The following CSGALNACT1 variants were observed in gnomAD, a reference collection of about 807,000 sequenced individuals.
CSGALNACT1 encodes beta4GalNAcT-1.
In CSGALNACT1, 52 loss-of-function variants were observed where a neutral mutation model predicts 51.0. That is an observed-to-expected ratio of 1.02 (90% CI 0.82 to 1.29). The LOEUF (loss-of-function observed/expected upper bound fraction) is 1.29, where lower values mean the gene tolerates loss of function less well. Ranked by LOEUF, CSGALNACT1 falls within the 50% of genes most tolerant of loss-of-function variation. The pLI is 0.00. For missense variants in CSGALNACT1, 935 were observed against 679.2 expected, an observed-to-expected ratio of 1.38 and a Z score of -4.19; for synonymous variants, 341 against 254.4, an observed-to-expected ratio of 1.34 and a Z score of -3.24.
At chr8:19,607,289 T>A (rs1049956104), upstream of CSGALNACT1, among the ~76,000 whole-genome samples, 1 of 152,170 alleles carries the variant, frequency 6.6e-6, no homozygotes, top group Non-Finnish European at 1.5e-5. Flanking sequence ...ACAAGCTAAC[T>A]GGAGATATAA....
intron 3 of CSGALNACT1, among the ~76,000 whole-genome samples, chr8:19,552,032 A>G (rs2088248827): frequency 6.6e-6 from 1 of 152,200 alleles, no homozygotes; most frequent in South Asian, 2.1e-4. Context: ...GAATTACATC[A>G]ATTTTTTAGT....
At chr8:19,444,291 T>A (rs974727939) in intron 5 of CSGALNACT1, among the ~76,000 whole-genome samples, 1 of 152,212 alleles carries the variant, frequency 6.6e-6, no homozygotes, top group Non-Finnish European at 1.5e-5. Context: ...TTGTTCTGTA[T>A]CATCTAGGGA....
At chr8:19,529,973 C>T (rs2082421192) in intron 3 of CSGALNACT1, among the ~76,000 whole-genome samples, 1 of 152,022 alleles carries the variant, frequency 6.6e-6, no homozygotes, top group South Asian at 2.1e-4. Flanking sequence ...GTAATCCTAG[C>T]ACTTAGGAAG....
At chr8:19,534,135 G>C (rs1375740651) in intron 3 of CSGALNACT1, among the ~76,000 whole-genome samples, 1 of 152,118 alleles carries the variant, frequency 6.6e-6, no homozygotes, top group Non-Finnish European at 1.5e-5. Flanking sequence ...ATGTTAGCAA[G>C]TTCATAGTTC....
intron 5 of CSGALNACT1, among the ~76,000 whole-genome samples, chr8:19,441,093 T>A (rs1391060244): frequency 6.6e-6 from 1 of 152,122 alleles, no homozygotes; most frequent in Non-Finnish European, 1.5e-5. Flanking sequence ...GGAAGAACAT[T>A]CCATGCTCAT....
intron 3 of CSGALNACT1, among the ~76,000 whole-genome samples, chr8:19,538,066 C>A (rs1469795873): frequency 1.3e-5 from 2 of 152,104 alleles, no homozygotes; most frequent in East Asian, 1.9e-4. Flanking sequence ...ACCTCTAATC[C>A]CAGTGTTTTG....
At chr8:19,467,034 G>T (rs1321567930) in intron 4 of CSGALNACT1, among the ~76,000 whole-genome samples, 2 of 151,138 alleles carry the variant, frequency 1.3e-5, no homozygotes, top group African/African-American at 2.4e-5. Flanking sequence ...TCCAGTATCT[G>T]GTTCCTAATC....
intron 1 of CSGALNACT1, among the ~76,000 whole-genome samples, chr8:19,717,526 T>C (rs369410527): frequency 6.6e-5 from 10 of 152,310 alleles, no homozygotes; most frequent in African/African-American, 1.9e-4. Context: ...CAATGAGTCA[T>C]GTATCTACCA....
chr8:19,535,829 T>C lies in CSGALNACT1; in HGVS notation c.-296-29699A>G, dbSNP rs180821064. ...AAAAGCAAGAATAGAGGGAATTTCC[T>C]CCACTGGATAAGGAATATCTACAAT... On this transcript the variant is annotated intron_variant, in intron 3 of 9. Coordinates refer to ENST00000454498, the Ensembl canonical transcript of CSGALNACT1. 3.1e-3 allele frequency among the ~76,000 whole-genome samples: 472 copies of C among 152,262 alleles called. 8 individuals are homozygous for C. The highest frequency in any genetic ancestry group is 0.028 in the Admixed American group (431 of 15,282).
At chr8:19,412,830 C>G (rs145332344) in intron 8 of CSGALNACT1, among the ~76,000 whole-genome samples, 2,014 of 152,122 alleles carry the variant, frequency 0.013, 48 homozygotes, top group African/African-American at 0.046. Flanking sequence ...CTGGGGGCCC[C>G]CAGCCCAGGC....
At chr8:19,483,477 C>A (rs956417088) in intron 4 of CSGALNACT1, among the ~76,000 whole-genome samples, 3 of 152,214 alleles carry the variant, frequency 2.0e-5, no homozygotes, top group African/African-American at 7.2e-5. Flanking sequence ...CTCTGCATAC[C>A]ACCACTATTG....
rs1164787680 is a variant in CSGALNACT1 at position 19,512,796 on chromosome 8, A to C, written c.-296-6666T>G. Among the ~76,000 whole-genome samples the C allele has an allele frequency of 3.3e-5, 5 of 152,294 alleles. No homozygotes were observed. The East Asian group carries it at 9.6e-4, about 29-fold the overall frequency. On this transcript the variant is annotated intron_variant, in intron 3 of 9. Transcript: ENST00000454498. ...ATTTTATTCTTGAACAATGGTCATT[A>C]ATCCAAAAATGTTTTCTTTAAGTGT...
intron 5 of CSGALNACT1, among the ~76,000 whole-genome samples, chr8:19,448,574 A>T (rs1248604243): frequency 6.6e-6 from 1 of 152,166 alleles, no homozygotes; most frequent in African/African-American, 2.4e-5. Context: ...TAAAAGGCTG[A>T]GAGGAGAGCA....
intron 3 of CSGALNACT1, among the ~76,000 whole-genome samples, chr8:19,584,761 T>A (rs1237702642): frequency 6.6e-6 from 1 of 152,206 alleles, no homozygotes; most frequent in East Asian, 1.9e-4. Flanking sequence ...CAGTACAAAG[T>A]AAGCATTAAA....
At chr8:19,621,772 C>T (rs1324381233) in intron 1 of CSGALNACT1, among the ~76,000 whole-genome samples, 8 of 152,112 alleles carry the variant, frequency 5.3e-5, no homozygotes, top group South Asian at 2.1e-4. Flanking sequence ...CAGAACAAGA[C>T]GCTGTCTCTA....
At chr8:19,497,215 G>T (rs2075646209) in intron 4 of CSGALNACT1, among the ~76,000 whole-genome samples, 1 of 152,188 alleles carries the variant, frequency 6.6e-6, no homozygotes, top group Non-Finnish European at 1.5e-5. Flanking sequence ...AAGCTGGTAA[G>T]CTGTGAATAA....
chr8:19,632,490 C>T (rs1000522103), intron 1 of CSGALNACT1, among the ~76,000 whole-genome samples: 3 of 152,228 alleles, frequency 2.0e-5, no homozygotes, highest in African/African-American at 7.2e-5. Flanking sequence ...AAGCATTCGT[C>T]AGAAATAAGC....
At chr8:19,405,221 G>A in exon 10 of CSGALNACT1, 1 of 450,504 alleles carries the variant, frequency 2.2e-6, no homozygotes, top group South Asian at 1.6e-5. Context: ...ATTATTTTTG[G>A]TTAATCTTGG....
At chr8:19,756,288 T>A (rs1421019420) in intron 1 of CSGALNACT1, among the ~76,000 whole-genome samples, 4 of 152,094 alleles carry the variant, frequency 2.6e-5, no homozygotes, top group Non-Finnish European at 5.9e-5. Context: ...TCTAATGACG[T>A]TAAGTAAAAA....
Sources: gnomAD v4.1 joint callset for allele counts (sites outside exome capture counted in the v4.1 genomes callset) on GRCh38, gnomAD v4.1.1 for gene constraint, MANE v1.5 for transcripts, NCBI Gene and HGNC (gene_info 2026-07-23, HGNC 2026-07-21) for gene names.